AARD: variants seen among roughly 807,000 people sequenced by gnomAD.
AARD encodes alanine and arginine rich domain containing protein.
A neutral mutation model predicts 9.3 loss-of-function variants in AARD; 9 were observed. The observed-to-expected ratio is 0.97, with a 90% CI of 0.58 to 1.69. The LOEUF (loss-of-function observed/expected upper bound fraction) is 1.69, where lower values mean the gene tolerates loss of function less well. Among genes scored for constraint, AARD ranks in the 40% most tolerant of loss-of-function variants. AARD has a pLI of 0.00. For missense variants in AARD, 236 were observed against 210.3 expected (o/e 1.12, Z -0.76); for synonymous variants, 91 against 93.8 (o/e 0.97, Z 0.17).
chr8:116,939,493 A>G (rs1003215301), intron 1 of AARD, among the ~76,000 whole-genome samples: 5 of 152,118 alleles, frequency 3.3e-5, no homozygotes, highest in Middle Eastern at 3.2e-3. Flanking sequence ...TTAGCCAGGT[A>G]TGGTGGCTGG....
At chr8:116,941,516 G>C (rs1471272946) in intron 1 of AARD, among the ~76,000 whole-genome samples, 1 of 152,104 alleles carries the variant, frequency 6.6e-6, no homozygotes. Flanking sequence ...CAAGGTGCAA[G>C]GGTTTTTTGT....
chr8:116,942,588 G>T lies in AARD; in HGVS notation c.355G>T (p.Ala119Ser). 1.2e-6 allele frequency: 2 copies of T among 1,613,128 alleles called. No individual in the cohort carries two copies. The highest frequency in any genetic ancestry group is 1.7e-6 in the Non-Finnish European group (2 of 1,179,506). ...VEMHFQNHQL[A>S]RTLLDLNMKV... ...AATGCATTTCCAAAACCACCAGCTGGCTAGAACTTTACTGGACCTAAACAT... is the reference window on the plus strand; with the variant it reads ...AATGCATTTCCAAAACCACCAGCTGTCTAGAACTTTACTGGACCTAAACAT... Residue 119 changes from alanine (A) to serine (S), a missense_variant, in exon 2 of 2, where the codon GCT becomes TCT. By Grantham distance (99) the Ala-to-Ser change is moderately conservative (BLOSUM62 1). Transcript: ENST00000378279.
At chr8:116,938,592 G>C in intron 1 of AARD, 25 bp downstream of exon 1, 2 of 1,391,198 alleles carry the variant, frequency 1.4e-6, no homozygotes, top group Non-Finnish European at 1.8e-6. Context: ...TAGGCGGACG[G>C]CTCCCAGGGC....
rs1179428217 is a variant in AARD at position 116,942,549 on chromosome 8, A to G, written c.325-9A>G. The G allele has an allele frequency of 2.5e-6, 4 of 1,602,482 alleles. No individual in the cohort carries two copies. Among genetic ancestry groups the G allele is most frequent in the Admixed American group, 1.7e-5 (1 of 58,466 alleles). ...GCTAATAAAATTTTTATTTTTTTCT[A>G]ACTTTTAGGTGGAAATGCATTTCCA... On this transcript the variant is annotated splice_polypyrimidine_tract_variant and intron_variant, in intron 1 of 1. Coordinates refer to ENST00000378279, the MANE Select transcript of AARD (RefSeq NM_001025357.3).
In AARD at chr8:116,943,807, A is replaced by C. The variant is rs1586310570; in HGVS notation, c.*1106A>C. On this transcript the variant is annotated 3_prime_UTR_variant, in exon 2 of 2. Transcript: ENST00000378279. ...TGAAATATTCTGATATCCTTCTCAT[A>C]AAATCTCTTTTTGCCTAAGTAAATT... 1.3e-5 allele frequency: 2 copies of C among 152,160 alleles called. No homozygotes were observed. The highest frequency in any genetic ancestry group is 4.8e-5 in the African/African-American group (2 of 41,420). The allele number at this position is 152,160 out of a possible 1,614,324, so 9.4% of individuals were successfully genotyped here. A position where few individuals can be genotyped will look rare whatever the true frequency, so the allele number is the denominator to read the frequency against.
chr8:116,939,933 CAT>C (rs1331789535), intron 1 of AARD, among the ~76,000 whole-genome samples: 3 of 152,172 alleles, frequency 2.0e-5, no homozygotes, highest in Non-Finnish European at 4.4e-5. Flanking sequence ...TCAGGGGACT[CAT>C]ATTTAAATCA....
In AARD at chr8:116,942,561, G is replaced by A. The variant is rs778592400; in HGVS notation, c.328G>A (p.Glu110Lys). 8.0e-5 allele frequency: 128 copies of A among 1,609,914 alleles called. No homozygotes were observed. Among genetic ancestry groups the A allele is most frequent in the Middle Eastern group, 4.9e-4 (3 of 6,070 alleles). The change falls in exon 2 of 2, where the codon GAA becomes AAA. Residue 110 changes from glutamate (E) to lysine (K), a missense_variant. By Grantham distance (56) the Glu-to-Lys change is moderately conservative. Transcript: ENST00000378279. ...TTTATTTTTTTCTAACTTTTAGGTG[G>A]AAATGCATTTCCAAAACCACCAGCT... ...TLARLRAELVEMHFQNHQLAR... is the reference protein window; with the variant it reads ...TLARLRAELVKMHFQNHQLAR...
At chr8:116,938,683 C>T in intron 1 of AARD, 116 bp downstream of exon 1, 4 of 1,306,774 alleles carry the variant, frequency 3.1e-6, no homozygotes, top group Non-Finnish European at 3.0e-6. Context: ...CCCCTCAGGT[C>T]TGGACACGGC....
rs1275272256 is a variant in AARD at position 116,938,579 on chromosome 8, G to T, written c.324+12G>T. ...TGCGGGCGGAGCTGGTGAGAGAGCG[G>T]GCTAGGCGGACGGCTCCCAGGGCTC... On this transcript the variant is annotated intron_variant, in intron 1 of 1. Coordinates refer to ENST00000378279, the MANE Select transcript of AARD (RefSeq NM_001025357.3). 2 of 1,400,130 alleles carry T rather than the reference G, an allele frequency of 1.4e-6. No individual in the cohort carries two copies. The highest frequency in any genetic ancestry group is 5.8e-5 in the East Asian group (2 of 34,346). 86.7% of individuals were successfully genotyped at this position (1,400,130 alleles called of 1,614,324 possible). A position where few individuals can be genotyped will look rare whatever the true frequency, so the allele number is the denominator to read the frequency against.
intron 1 of AARD, among the ~76,000 whole-genome samples, chr8:116,939,340 G>A (rs1475158004): frequency 6.6e-6 from 1 of 152,184 alleles, no homozygotes; most frequent in Non-Finnish European, 1.5e-5. Flanking sequence ...AGTTTAAGAA[G>A]AACAGTATTA....
Position 116,938,396 on chromosome 8 carries a change from C to G in AARD, c.153C>G (p.Ala51=). 1 of 1,612,282 alleles carries G rather than the reference C, an allele frequency of 6.2e-7. No homozygotes were observed. Among genetic ancestry groups the G allele is most frequent in the Non-Finnish European group, 8.5e-7 (1 of 1,179,752 alleles). Residue 51 remains alanine (A), a synonymous_variant, in exon 1 of 2, where the codon GCC becomes GCG. Transcript: ENST00000378279. The part of the protein sequence containing the change: ...RSTDIQEEAL[A]ASPLLEDLRR... ...CGGACATCCAGGAGGAGGCCCTCGC[C>G]GCCAGCCCGCTGCTGGAGGACCTCA...
intron 1 of AARD, among the ~76,000 whole-genome samples, chr8:116,941,894 T>A (rs1813749750): frequency 6.6e-6 from 1 of 152,196 alleles, no homozygotes; most frequent in African/African-American, 2.4e-5. Context: ...TATGTTGGAC[T>A]AAGCTTTCTT....
intron 1 of AARD, among the ~76,000 whole-genome samples, chr8:116,939,974 G>A (rs1167634813): frequency 1.3e-5 from 2 of 152,222 alleles, no homozygotes; most frequent in Non-Finnish European, 1.5e-5. Flanking sequence ...AATAAGCTCA[G>A]AGACAGCTTT....
chr8:116,940,905 A>G (rs1430336540), intron 1 of AARD, among the ~76,000 whole-genome samples: 1 of 152,158 alleles, frequency 6.6e-6, no homozygotes, highest in Non-Finnish European at 1.5e-5. Flanking sequence ...AAAGTTAAAG[A>G]ACCATTGATG....
chr8:116,941,927 C>T (rs1287888820), intron 1 of AARD, among the ~76,000 whole-genome samples: 1 of 142,392 alleles, frequency 7.0e-6, no homozygotes, highest in Non-Finnish European at 1.6e-5. Flanking sequence ...GGTAACATGC[C>T]CTAGAGATCT....
At position 116,938,224 on chromosome 8, in the gene AARD, A is replaced by T; in HGVS notation, c.-20A>T. The T allele has an allele frequency of 2.6e-6, 4 of 1,511,586 alleles. No homozygotes were observed. The highest frequency in any genetic ancestry group is 3.6e-6 in the Non-Finnish European group (4 of 1,122,642). 93.6% of individuals were successfully genotyped at this position (1,511,586 alleles called of 1,614,324 possible). ...CATCTTTCAGCAGCAGCGGTAGAGC[A>T]GTGACCAGGCGTCTCCGCGATGGGC... On this transcript the variant is annotated 5_prime_UTR_variant, in exon 1 of 2. Coordinates refer to ENST00000378279, the MANE Select transcript of AARD (RefSeq NM_001025357.3).
chr8:116,942,242 A>G (rs1351924536), intron 1 of AARD, among the ~76,000 whole-genome samples: 1 of 152,238 alleles, frequency 6.6e-6, no homozygotes, highest in Admixed American at 6.5e-5. Context: ...TGTGGATCAC[A>G]TGCTATTCCT....
At position 116,944,314 on chromosome 8, in the gene AARD, T is replaced by G. The variant is rs1813783190; in HGVS notation, c.*1613T>G. ...CAGGCGTGGTGGTGCTCGCCTATAG[T>G]ACCAGCTACTCAGGAGGCTGAGGCA... On this transcript the variant is annotated 3_prime_UTR_variant, in exon 2 of 2. Coordinates refer to ENST00000378279, the MANE Select transcript of AARD (RefSeq NM_001025357.3). The G allele has an allele frequency of 6.6e-6, 1 of 152,164 alleles. No individual in the cohort carries two copies. The highest frequency in any genetic ancestry group is 1.5e-5 in the Non-Finnish European group (1 of 68,066). 9.4% of individuals were successfully genotyped at this position (152,164 alleles called of 1,614,324 possible).
chr8:116,940,285 C>T (rs1424995099), intron 1 of AARD, among the ~76,000 whole-genome samples: 1 of 152,030 alleles, frequency 6.6e-6, no homozygotes, highest in Admixed American at 6.6e-5. Flanking sequence ...GATAATATTC[C>T]ATGAAATGCT....
Sources: allele counts gnomAD v4.1 joint callset (sites outside exome capture counted in the v4.1 genomes callset), GRCh38; gene constraint gnomAD v4.1.1; transcripts MANE v1.5; gene names NCBI Gene and HGNC (gene_info 2026-07-23, HGNC 2026-07-21).